Variants in TBC1D12 observed in about 807,000 individuals in gnomAD.
The protein encoded by TBC1D12 is TBC1 domain family member 12.
A neutral mutation model predicts 86.7 loss-of-function variants in TBC1D12; 56 were observed. The observed-to-expected ratio is 0.65, with a 90% CI of 0.52 to 0.81. The LOEUF (loss-of-function observed/expected upper bound fraction) is 0.81. Among genes scored for constraint, TBC1D12 ranks in the 30% least tolerant of loss-of-function variants. The pLI is 0.00. For synonymous variants in TBC1D12, 421 were observed against 411.7 expected (o/e 1.02, Z -0.27); for missense variants, 1,023 against 1,038.8 (o/e 0.98, Z 0.21).
intron 2 of TBC1D12, among the ~76,000 whole-genome samples, chr10:94,444,720 G>A (rs2055430101): frequency 6.6e-6 from 1 of 151,138 alleles, no homozygotes; most frequent in South Asian, 2.1e-4. Context: ...GGAAAGCCAA[G>A]ACCTCACATT....
At chr10:94,414,481 C>G (rs2054972187) in intron 1 of TBC1D12, among the ~76,000 whole-genome samples, 1 of 152,154 alleles carries the variant, frequency 6.6e-6, no homozygotes, top group Admixed American at 6.5e-5. Flanking sequence ...CTTGGCATAC[C>G]TCAGTGCCTT....
At chr10:94,409,846 T>C (rs2054907227) in intron 1 of TBC1D12, among the ~76,000 whole-genome samples, 1 of 152,206 alleles carries the variant, frequency 6.6e-6, no homozygotes, top group Non-Finnish European at 1.5e-5. Flanking sequence ...GTAGAAAAGT[T>C]GCAAAGGTAA....
In TBC1D12 at chr10:94,402,835, C is replaced by T. The variant is rs529499164; in HGVS notation, c.222C>T (p.Leu74=). The change falls in exon 1 of 13, where the codon CTC becomes CTT. Residue 74 remains leucine (L), a synonymous_variant. Transcript: ENST00000225235. The stretch of plus-strand genomic sequence containing the variant: ...CTCGGCAGCTCCTTCAGCGTTACCT[C>T]GCGGCGGCCGGGGAGCAGCTGGAGC... ...TPPRQLLQRY[L]AAAGEQLEPG... 1.6e-5 allele frequency: 25 copies of T among 1,538,094 alleles called. No homozygotes were observed. In the African/African-American group the frequency reaches 3.3e-4, roughly 21 times the overall value.
intron 3 of TBC1D12, among the ~76,000 whole-genome samples, chr10:94,481,971 T>C (rs1237584062): frequency 6.6e-6 from 1 of 152,212 alleles, no homozygotes; most frequent in Non-Finnish European, 1.5e-5. Flanking sequence ...TTATAATCTT[T>C]TAGTTATTTT....
At chr10:94,436,536 G>T (rs1341738459) in intron 1 of TBC1D12, among the ~76,000 whole-genome samples, 1 of 152,050 alleles carries the variant, frequency 6.6e-6, no homozygotes, top group Admixed American at 6.6e-5. Flanking sequence ...AGATAAGTTT[G>T]GGGAGAATTG....
At chr10:94,497,661 A>G (rs2056340558) in intron 5 of TBC1D12, among the ~76,000 whole-genome samples, 1 of 148,644 alleles carries the variant, frequency 6.7e-6, no homozygotes, top group African/African-American at 2.5e-5. Context: ...CTGGGACTAC[A>G]GGCGCCTGCC....
intron 6 of TBC1D12, among the ~76,000 whole-genome samples, chr10:94,506,193 T>G (rs1012780600): frequency 2.6e-5 from 4 of 152,084 alleles, no homozygotes; most frequent in Non-Finnish European, 5.9e-5. Context: ...TGCACCACCA[T>G]GCCCAGCTAA....
In TBC1D12 at chr10:94,496,552, AGTT is replaced by A. The variant is rs573677616; in HGVS notation, c.1295-499_1295-497del. The stretch of plus-strand genomic sequence containing the variant: ...AAATGGGTATTGGTTAGTTGCCCAC[AGTT>A]GTTTGTTTTTTATATAGTTAATTCA... On this transcript the variant is annotated intron_variant, in intron 4 of 12. Transcript: ENST00000225235. Among the ~76,000 whole-genome samples, 12 of 152,334 alleles carry A rather than the reference AGTT, an allele frequency of 7.9e-5. No individual in the cohort carries two copies. In the South Asian group the frequency reaches 2.3e-3, roughly 29 times the overall value.
At chr10:94,436,642 TTC>T (rs1419918276) in intron 1 of TBC1D12, among the ~76,000 whole-genome samples, 7 of 152,270 alleles carry the variant, frequency 4.6e-5, no homozygotes, top group African/African-American at 1.7e-4. Context: ...TATCATTTCA[TTC>T]TCTCTATAAA....
chr10:94,448,027 T>C (rs1287981049), intron 2 of TBC1D12, among the ~76,000 whole-genome samples: 4 of 151,962 alleles, frequency 2.6e-5, no homozygotes, highest in African/African-American at 9.7e-5. Flanking sequence ...TTTTCATCAA[T>C]ACACATGCCA....
In TBC1D12 at chr10:94,533,407, A is replaced by G. The variant is rs79460475; in HGVS notation, c.*311A>G. ...TAAAATAGCTTTGAAGATACTTCAA[A>G]TTTTTACATCTTTTCTTTTGTAACA... is the stretch of plus-strand genomic sequence containing the variant. On this transcript the variant is annotated 3_prime_UTR_variant, in exon 13 of 13. Transcript: ENST00000225235. 2 of 214,958 alleles carry G rather than the reference A, an allele frequency of 9.3e-6. No individual in the cohort carries two copies. Among genetic ancestry groups the G allele is most frequent in the African/African-American group, 4.7e-5 (2 of 42,522 alleles). 13.3% of individuals were successfully genotyped at this position (214,958 alleles called of 1,614,324 possible).
chr10:94,454,469 C>G (rs1365569097), intron 2 of TBC1D12, among the ~76,000 whole-genome samples: 4 of 152,178 alleles, frequency 2.6e-5, no homozygotes, highest in African/African-American at 9.6e-5. Context: ...CCTCGGCCTC[C>G]CAAAGTGCTG....
intron 2 of TBC1D12, among the ~76,000 whole-genome samples, chr10:94,453,497 T>G (rs550821320): frequency 6.6e-6 from 1 of 152,188 alleles, no homozygotes; most frequent in Non-Finnish European, 1.5e-5. Flanking sequence ...TGTCTTACTG[T>G]GTCTAATTTA....
intron 12 of TBC1D12, among the ~76,000 whole-genome samples, chr10:94,531,677 ATT>A (rs1564996541): frequency 1.0e-4 from 15 of 144,100 alleles, no homozygotes; most frequent in African/African-American, 3.8e-4. Context: ...ATTTTATTTT[ATT>A]TTATTTTATG....
chr10:94,463,052 G>C (rs2055753118), intron 2 of TBC1D12, among the ~76,000 whole-genome samples: 1 of 152,008 alleles, frequency 6.6e-6, no homozygotes, highest in Non-Finnish European at 1.5e-5. Flanking sequence ...CTGTGCTTTA[G>C]CTGCATTCCA....
At chr10:94,504,893 T>C (rs1220220401) in intron 6 of TBC1D12, among the ~76,000 whole-genome samples, 1 of 152,216 alleles carries the variant, frequency 6.6e-6, no homozygotes, top group Non-Finnish European at 1.5e-5. Context: ...AAGTATCATC[T>C]TTAAGCCTGC....
chr10:94,497,666 C>A (rs1426678396), intron 5 of TBC1D12, among the ~76,000 whole-genome samples: 1 of 148,446 alleles, frequency 6.7e-6, no homozygotes, highest in Non-Finnish European at 1.5e-5. Context: ...ACTACAGGCG[C>A]CTGCCACCGC....
intron 6 of TBC1D12, among the ~76,000 whole-genome samples, chr10:94,502,596 G>A (rs1427490293): frequency 6.6e-6 from 1 of 151,998 alleles, no homozygotes; most frequent in Non-Finnish European, 1.5e-5. Context: ...CCACTCGAGA[G>A]GGTGAGGTGG....
chr10:94,530,343 A>G (rs1201228339), intron 11 of TBC1D12, among the ~76,000 whole-genome samples: 1 of 152,196 alleles, frequency 6.6e-6, no homozygotes, highest in Non-Finnish European at 1.5e-5. Flanking sequence ...GAAGGTATAC[A>G]TGCTTCAAAA....
Sources: allele counts gnomAD v4.1 joint callset (sites outside exome capture counted in the v4.1 genomes callset), GRCh38; gene constraint gnomAD v4.1.1; transcripts MANE v1.5; gene names NCBI Gene and HGNC (gene_info 2026-07-23, HGNC 2026-07-21).